The following FUT9 variants were observed in gnomAD, a reference collection of about 807,000 sequenced individuals.
FUT9 encodes the protein fucosyltransferase 9.
FUT9 carries 15 observed loss-of-function variants against 29.7 expected under a neutral mutation model. The observed-to-expected ratio is 0.51, with a 90% CI of 0.34 to 0.78. The LOEUF (loss-of-function observed/expected upper bound fraction) is 0.78. Ranked by LOEUF, FUT9 falls within the 30% of genes least tolerant of loss-of-function variation. The probability of loss-of-function intolerance (pLI) is 0.01; values close to 1 mark genes in which losing one functional copy is unlikely to be tolerated. For synonymous variants in FUT9, 169 were observed against 153.7 expected, an observed-to-expected ratio of 1.10 and a Z score of -0.74; for missense variants, 319 against 425.4, an observed-to-expected ratio of 0.75 and a Z score of 2.20.
At chr6:96,069,346 A>C (rs1194752697) in intron 1 of FUT9, among the ~76,000 whole-genome samples, 1 of 151,962 alleles carries the variant, frequency 6.6e-6, no homozygotes, top group Non-Finnish European at 1.5e-5. Context: ...AAGACAAGAA[A>C]AGAATCATCT....
intron 2 of FUT9, among the ~76,000 whole-genome samples, chr6:96,134,785 A>G (rs1453089566): frequency 6.6e-6 from 1 of 151,852 alleles, no homozygotes; most frequent in Non-Finnish European, 1.5e-5. Context: ...TCCAAAACTC[A>G]TGTGTATAAC....
intron 2 of FUT9, among the ~76,000 whole-genome samples, chr6:96,191,104 T>C (rs1242524279): frequency 6.6e-5 from 10 of 152,144 alleles, no homozygotes; most frequent in Admixed American, 1.3e-4. Context: ...GTCCTTTCTG[T>C]TCTCCTTCTA....
intron 2 of FUT9, among the ~76,000 whole-genome samples, chr6:96,169,506 G>A (rs370232495): frequency 7.9e-5 from 12 of 152,150 alleles, no homozygotes; most frequent in African/African-American, 2.9e-4. Context: ...GGAGGGAGTG[G>A]TTTTGTTGCT....
At chr6:96,130,920 T>C (rs1030109805) in intron 2 of FUT9, among the ~76,000 whole-genome samples, 1 of 152,170 alleles carries the variant, frequency 6.6e-6, no homozygotes, top group African/African-American at 2.4e-5. Context: ...TTCTTCAAAA[T>C]TTAACATTTT....
At position 96,212,261 on chromosome 6, in the gene FUT9, C is replaced by T. The variant is rs1409705374; in HGVS notation, c.*8026C>T. The T allele has an allele frequency of 4.8e-6, 2 of 412,594 alleles. No individual in the cohort carries two copies. The highest frequency in any genetic ancestry group is 8.9e-6 in the Non-Finnish European group (2 of 225,622). 25.6% of individuals were successfully genotyped at this position (412,594 alleles called of 1,614,324 possible). A position where few individuals can be genotyped will look rare whatever the true frequency, so the allele number is the denominator to read the frequency against. ...ATGAGATAATCCTGAAGATGCCATC[C>T]TTGTCCAAGGTGAGATTGCCAGAGG... On this transcript the variant is annotated 3_prime_UTR_variant, in exon 3 of 3. Transcript: ENST00000302103.
chr6:96,046,219 A>G (rs1770560983), intron 1 of FUT9, among the ~76,000 whole-genome samples: 1 of 85,716 alleles, frequency 1.2e-5, no homozygotes, highest in Admixed American at 1.0e-4. Flanking sequence ...GTACACAGAT[A>G]TGCACACACA....
intron 2 of FUT9, among the ~76,000 whole-genome samples, chr6:96,122,533 T>C (rs985833590): frequency 6.6e-6 from 1 of 152,208 alleles, no homozygotes; most frequent in Non-Finnish European, 1.5e-5. Context: ...TAATTTTACA[T>C]GGTATAGTTA....
intron 1 of FUT9, among the ~76,000 whole-genome samples, chr6:96,025,763 C>T (rs1263553033): frequency 6.6e-6 from 1 of 151,672 alleles, no homozygotes; most frequent in Non-Finnish European, 1.5e-5. Context: ...ATCCTCATCA[C>T]TAACATTATA....
rs144812041 is a variant in FUT9 at position 96,168,585 on chromosome 6, A to C, written c.-8-34563A>C. On this transcript the variant is annotated intron_variant, in intron 2 of 2. Coordinates refer to ENST00000302103, the MANE Select transcript of FUT9 (RefSeq NM_006581.4). ...TTGACCATTAAACTTGGGAAATAGA[A>C]GAGTTTCATGAAGTAGCAAGGGAAA... Among the ~76,000 whole-genome samples, 259 of 152,334 alleles carry C rather than the reference A, an allele frequency of 1.7e-3. 1 individual carries two copies. The highest frequency in any genetic ancestry group is 6.8e-3 in the Middle Eastern group (2 of 294).
intron 2 of FUT9, among the ~76,000 whole-genome samples, chr6:96,151,194 C>G (rs1233751877): frequency 6.6e-6 from 1 of 152,104 alleles, no homozygotes; most frequent in Non-Finnish European, 1.5e-5. Context: ...GAGGAGAACC[C>G]TGCTTGAGGC....
chr6:96,128,449 T>C (rs1772172375), intron 2 of FUT9, among the ~76,000 whole-genome samples: 3 of 152,340 alleles, frequency 2.0e-5, no homozygotes, highest in Non-Finnish European at 2.9e-5. Flanking sequence ...ACTTTTTCAT[T>C]TGTACTGTAT....
chr6:96,035,949 GTT>G (rs1770356402), intron 1 of FUT9, among the ~76,000 whole-genome samples: 1 of 39,352 alleles, frequency 2.5e-5, no homozygotes, highest in Non-Finnish European at 4.6e-5. Flanking sequence ...AATACATTAT[GTT>G]TATTATATTA....
At chr6:96,035,580 C>A (rs1770338201) in intron 1 of FUT9, among the ~76,000 whole-genome samples, 1 of 143,220 alleles carries the variant, frequency 7.0e-6, no homozygotes, top group African/African-American at 2.6e-5. Flanking sequence ...TAATATTTAC[C>A]CAGGAGAACT....
chr6:96,192,539 G>A (rs1350053589), intron 2 of FUT9, among the ~76,000 whole-genome samples: 7 of 152,070 alleles, frequency 4.6e-5, no homozygotes, highest in East Asian at 1.9e-4. Flanking sequence ...ACCACTGCTT[G>A]ACGAAATAAA....
At chr6:96,192,033 G>C (rs1006132130) in intron 2 of FUT9, among the ~76,000 whole-genome samples, 17 of 152,016 alleles carry the variant, frequency 1.1e-4, no homozygotes, top group African/African-American at 3.9e-4. Flanking sequence ...CAATAAATTA[G>C]GTATTCAGTG....
chr6:96,085,728 ACTC>A (rs1286859800), intron 1 of FUT9, among the ~76,000 whole-genome samples: 1 of 152,050 alleles, frequency 6.6e-6, no homozygotes, highest in African/African-American at 2.4e-5. Flanking sequence ...AAATGCAAAC[ACTC>A]AATGCCCTGG....
At chr6:96,079,351 C>A (rs996971350) in intron 1 of FUT9, among the ~76,000 whole-genome samples, 1 of 152,150 alleles carries the variant, frequency 6.6e-6, no homozygotes, top group African/African-American at 2.4e-5. Context: ...ATTTAGGTGG[C>A]ATCTGAAGTC....
intron 2 of FUT9, among the ~76,000 whole-genome samples, chr6:96,202,282 T>A (rs1329292922): frequency 6.6e-6 from 1 of 152,172 alleles, no homozygotes; most frequent in Non-Finnish European, 1.5e-5. Context: ...ATCAAAGTTG[T>A]TCTTCATGAA....
At chr6:96,141,863 A>G (rs1250321926) in intron 2 of FUT9, among the ~76,000 whole-genome samples, 3 of 152,148 alleles carry the variant, frequency 2.0e-5, no homozygotes, top group Non-Finnish European at 4.4e-5. Flanking sequence ...AGGTTTGCCT[A>G]CTTTTCTTGA....
Sources: gnomAD v4.1 joint callset for allele counts (sites outside exome capture counted in the v4.1 genomes callset) on GRCh38, gnomAD v4.1.1 for gene constraint, MANE v1.5 for transcripts, NCBI Gene and HGNC (gene_info 2026-07-23, HGNC 2026-07-21) for gene names.